The following CENPB variants were observed in gnomAD, a reference collection of about 807,000 sequenced individuals.
CENPB encodes major centromere autoantigen B.
CENPB carries 19 observed loss-of-function variants against 41.9 expected under a neutral mutation model. That is an observed-to-expected ratio of 0.45 (90% CI 0.32 to 0.67). CENPB has a LOEUF of 0.67. Ranked by LOEUF, CENPB falls within the 30% of genes least tolerant of loss-of-function variation. CENPB has a pLI of 0.04. For missense variants in CENPB, 614 were observed against 816.2 expected, an observed-to-expected ratio of 0.75 and a Z score of 3.02; for synonymous variants, 399 against 354.4, an observed-to-expected ratio of 1.13 and a Z score of -1.41.
Position 3,786,292 on chromosome 20 carries a change from G to T in CENPB, c.192C>A (p.Thr64=). 1 of 1,608,498 alleles carries T rather than the reference G, an allele frequency of 6.2e-7. No homozygotes were observed. ...ASERKYGVAS[T]CRKTNKLSPY... is the part of the protein sequence containing the mutation. ...GAGACAGCTTGTTGGTCTTGCGGCAGGTGGAGGCCACCCCGTACTTGCGCT... is the reference window on the plus strand; with the variant it reads ...GAGACAGCTTGTTGGTCTTGCGGCATGTGGAGGCCACCCCGTACTTGCGCT... The change falls in exon 1 of 1, where the codon ACC becomes ACA. Residue 64 remains threonine, a synonymous_variant. Coordinates refer to ENST00000379751, the MANE Select transcript of CENPB (RefSeq NM_001810.6).
rs1160871245 is a variant in CENPB, at chr20:3,786,554, G to C, written c.-71C>G. ...CCGGGGCGGGGGGCCCGGGCCCGTG[G>C]CGGGGGGCACCTGGCGGCCTCTCCC... On this transcript the variant is annotated 5_prime_UTR_variant, in exon 1 of 1. Coordinates refer to ENST00000379751, the MANE Select transcript of CENPB (RefSeq NM_001810.6). 6.8e-6 allele frequency: 3 copies of C among 440,100 alleles called. No individual in the cohort carries two copies. The highest frequency in any genetic ancestry group is 8.9e-6 in the Non-Finnish European group (3 of 335,960). The allele number at this position is 440,100 out of a possible 1,614,324, so 27.3% of individuals were successfully genotyped here.
Position 3,785,835 on chromosome 20 carries a change from G to A in CENPB, c.649C>T (p.Arg217Trp). ...AGGCGCTGGGTGGCTTGACGCGGCC[G>A]TCCGTCGCCTCCGCACAGCCCCGCG... ...QAAGLCGGDG[R>W]PRQATQRLSV... is the part of the protein sequence containing the mutation. The change falls in exon 1 of 1, where the codon CGG (arginine) becomes TGG (tryptophan). Residue 217 changes from arginine to tryptophan, a missense_variant. Arg to Trp is a moderately radical substitution (Grantham distance 101). Transcript: ENST00000379751. 1.2e-6 allele frequency: 2 copies of A among 1,608,860 alleles called. No homozygotes were observed. Among genetic ancestry groups the A allele is most frequent in the Non-Finnish European group, 1.7e-6 (2 of 1,178,146 alleles).
Position 3,785,019 on chromosome 20 carries a change from C to A in CENPB, c.1465G>T (p.Ala489Ser), listed in dbSNP as rs762912299. ...TGGGCTTCCTCCTGGGCACCATAAG[C>A]CCCGAAGCTGCCACCGGCCTCCACT... Reference protein sequence around the residue: ...GVVEAGGSFGAYGAQEEAQCP... With the variant: ...GVVEAGGSFGSYGAQEEAQCP... The change falls in exon 1 of 1, where the codon GCT becomes TCT. Residue 489 changes from alanine to serine, a missense_variant. Around this residue, in one of 2 missense-constraint regions of CENPB, gnomAD observed 537 missense variants for 629.4 expected, o/e 0.85. Coordinates refer to ENST00000379751, the MANE Select transcript of CENPB (RefSeq NM_001810.6). 1 of 1,614,060 alleles carries A rather than the reference C, an allele frequency of 6.2e-7. No individual in the cohort carries two copies. Among genetic ancestry groups the A allele is most frequent in the South Asian group, 1.1e-5 (1 of 91,080 alleles).
Position 3,785,036 on chromosome 20 carries a change from G to A in CENPB, c.1448C>T (p.Ala483Val). ...AEDWAQGVVE[A>V]GGSFGAYGAQ... The stretch of plus-strand genomic sequence containing the variant: ...ACCATAAGCCCCGAAGCTGCCACCG[G>A]CCTCCACTACTCCCTGGGCCCAGTC... The change falls in exon 1 of 1, where the codon GCC becomes GTC. Residue 483 changes from alanine (A) to valine (V), a missense_variant. By Grantham distance (64) the Ala-to-Val change is moderately conservative. Around this residue, in one of 2 missense-constraint regions of CENPB, gnomAD observed 537 missense variants for 629.4 expected, o/e 0.85. Transcript: ENST00000379751. 1 of 1,613,916 alleles carries A rather than the reference G, an allele frequency of 6.2e-7. No individual in the cohort carries two copies. Among genetic ancestry groups the A allele is most frequent in the Non-Finnish European group, 8.5e-7 (1 of 1,179,978 alleles).
Position 3,784,567 on chromosome 20 carries a change from T to C in CENPB, c.*117A>G. The C allele has an allele frequency of 8.1e-7, 1 of 1,237,298 alleles. No individual in the cohort carries two copies. Among genetic ancestry groups the C allele is most frequent in the South Asian group, 1.4e-5 (1 of 70,112 alleles). The allele number at this position is 1,237,298 out of a possible 1,614,324, so 76.6% of individuals were successfully genotyped here. ...GCCTGTTGCAGGACCAGGGGAAGCATTACTAAAGGATCTGGGGCTCTGCAC... is the reference window on the plus strand; with the variant it reads ...GCCTGTTGCAGGACCAGGGGAAGCACTACTAAAGGATCTGGGGCTCTGCAC... On this transcript the variant is annotated 3_prime_UTR_variant, in exon 1 of 1. Transcript: ENST00000379751. The surrounding 1 kb of genome is among the most constrained non-coding windows in gnomAD (Gnocchi z 5.2).
In CENPB at chr20:3,786,229, G is replaced by A; in HGVS notation, c.255C>T (p.Phe85=). Reference sequence around the variant, plus strand: ...GCAGGCCGGCGGCGCGGATCTGCTGGAACCAGGCGATGAGCAAGCCCTCGA... The same window carrying A: ...GCAGGCCGGCGGCGCGGATCTGCTGAAACCAGGCGATGAGCAAGCCCTCGA... ...DKLEGLLIAW[F]QQIRAAGLPV... The change falls in exon 1 of 1, where the codon TTC becomes TTT. Residue 85 remains phenylalanine, a synonymous_variant. Coordinates refer to ENST00000379751, the MANE Select transcript of CENPB (RefSeq NM_001810.6). The A allele has an allele frequency of 6.2e-7, 1 of 1,602,958 alleles. No individual in the cohort carries two copies. The highest frequency in any genetic ancestry group is 8.5e-7 in the Non-Finnish European group (1 of 1,178,840).
rs774335332 is a variant in CENPB at position 3,785,121 on chromosome 20, C to T, written c.1363G>A (p.Asp455Asn). The T allele has an allele frequency of 6.2e-7, 1 of 1,603,498 alleles. No individual in the cohort carries two copies. The highest frequency in any genetic ancestry group is 8.5e-7 in the Non-Finnish European group (1 of 1,173,708). ...EEEVEEEGDV[D>N]SDEEEEEDEE... ...TCTTCCTCCTCTTCTTCATCACTAT[C>T]AACATCACCCTCCTCCTCCACCTCC... The change falls in exon 1 of 1, where the codon GAT becomes AAT. Residue 455 changes from aspartate (D) to asparagine (N), a missense_variant. Asp to Asn is a conservative substitution (Grantham distance 23). Coordinates refer to ENST00000379751, the MANE Select transcript of CENPB (RefSeq NM_001810.6).
Position 3,786,565 on chromosome 20 carries a change from C to G in CENPB, c.-82G>C. The G allele has an allele frequency of 3.2e-6, 1 of 314,374 alleles. No individual in the cohort carries two copies. Among genetic ancestry groups the G allele is most frequent in the Non-Finnish European group, 4.5e-6 (1 of 221,354 alleles). 19.5% of individuals were successfully genotyped at this position (314,374 alleles called of 1,614,324 possible). ...GGCCCGGGCCCGTGGCGGGGGGCAC[C>G]TGGCGGCCTCTCCCGCGCGCCCCGC... On this transcript the variant is annotated 5_prime_UTR_variant, in exon 1 of 1. Coordinates refer to ENST00000379751, the MANE Select transcript of CENPB (RefSeq NM_001810.6).
In CENPB at chr20:3,785,009, G is replaced by A; in HGVS notation, c.1475C>T (p.Ala492Val). Residue 492 changes from alanine (A) to valine (V), a missense_variant, in exon 1 of 1, where the codon GCC becomes GTC. This residue lies in a region of CENPB where 537 missense variants were observed against 629.4 expected (regional missense o/e 0.85). Transcript: ENST00000379751. ...EAGGSFGAYG[A>V]QEEAQCPTLH... is the part of the protein sequence containing the mutation. ...AGTAGGGCACTGGGCTTCCTCCTGG[G>A]CACCATAAGCCCCGAAGCTGCCACC... 6.2e-7 allele frequency: 1 copy of A among 1,613,826 alleles called. No individual in the cohort carries two copies. Among genetic ancestry groups the A allele is most frequent in the South Asian group, 1.1e-5 (1 of 91,066 alleles).
chr20:3,784,940 T>A lies in CENPB; in HGVS notation c.1544A>T (p.Glu515Val). 6.2e-7 allele frequency: 1 copy of A among 1,614,014 alleles called. No homozygotes were observed. The highest frequency in any genetic ancestry group is 8.5e-7 in the Non-Finnish European group (1 of 1,179,954). ...ATCCTCTTCCTCATCGTCCTCTTCC[T>A]CACTGTCTGAATCAGAGTCCTCCCC... is the stretch of plus-strand genomic sequence containing the variant. ...EGGEDSDSDS[E>V]EEDDEEEDDE... The change falls in exon 1 of 1, where the codon GAG becomes GTG. Residue 515 changes from glutamate to valine, a missense_variant. By Grantham distance (121) the Glu-to-Val change is moderately radical. Around this residue, in one of 2 missense-constraint regions of CENPB, gnomAD observed 537 missense variants for 629.4 expected, o/e 0.85. Coordinates refer to ENST00000379751, the MANE Select transcript of CENPB (RefSeq NM_001810.6). The surrounding 1 kb of genome is among the most constrained non-coding windows in gnomAD (Gnocchi z 5.2).
Sources: allele counts gnomAD v4.1 joint callset, GRCh38; gene constraint gnomAD v4.1.1; regional missense constraint gnomAD v4.1.1; non-coding constraint Gnocchi (gnomAD v3.1); transcripts MANE v1.5; gene names NCBI Gene and HGNC (gene_info 2026-07-23, HGNC 2026-07-21).